The following TARS2 variants were observed in gnomAD, a reference collection of about 807,000 sequenced individuals.
TARS2 encodes threonyl-tRNA synthetase 2, mitochondrial, also known as threonine--tRNA ligase, mitochondrial.
A neutral mutation model predicts 94.4 loss-of-function variants in TARS2; 61 were observed. The ratio of observed to expected loss-of-function variants is 0.65; its 90% CI spans 0.53 to 0.80. The LOEUF is 0.80. Among genes scored for constraint, TARS2 ranks in the 30% least tolerant of loss-of-function variants. The pLI is 0.00. For synonymous variants in TARS2, 359 were observed against 353.4 expected, an observed-to-expected ratio of 1.02 and a Z score of -0.18; for missense variants, 704 against 902.5, an observed-to-expected ratio of 0.78 and a Z score of 2.82.
chr1:150,498,441 G>GATCCCGGT, intron 10 of TARS2, 61 bp from the exon 11 acceptor site: 1 of 1,502,776 alleles, frequency 6.7e-7, no homozygotes, highest in Non-Finnish European at 8.8e-7. Context: ...ATTGGGTGGA[G>GATCCCGGT]GAGCAGTCTT....
rs1670162440 is a variant in TARS2 at position 150,505,521 on chromosome 1, G to C, written c.1894-70G>C. On this transcript the variant is annotated intron_variant, in intron 16 of 17. Transcript: ENST00000369064. ...AACAGATGGGGGCATTGAGGGAAAA[G>C]AGCATCAGACTGTTCTAGCTCCTTA... 2.9e-6 allele frequency: 4 copies of C among 1,358,496 alleles called. No homozygotes were observed. The East Asian group carries it at 9.2e-5, about 31-fold the overall frequency. The allele number at this position is 1,358,496 out of a possible 1,614,324, so 84.2% of individuals were successfully genotyped here. A position where few individuals can be genotyped will look rare whatever the true frequency, so the allele number is the denominator to read the frequency against.
intron 9 of TARS2, 74 bp from the exon 10 acceptor site, chr1:150,497,456 G>T: frequency 6.9e-7 from 1 of 1,446,812 alleles, no homozygotes; most frequent in South Asian, 1.2e-5. Context: ...GGCCCAGGAA[G>T]ATCACACAGC....
intron 17 of TARS2, 52 bp from the exon 18 acceptor site, chr1:150,506,862 CTG>C (rs1670246634): frequency 3.1e-6 from 5 of 1,607,182 alleles, no homozygotes; most frequent in Non-Finnish European, 3.4e-6. Context: ...GCAAAAGAAA[CTG>C]TTCCATGTGG....
intron 13 of TARS2, among the ~76,000 whole-genome samples, chr1:150,501,466 C>T (rs1011988225): frequency 5.8e-5 from 5 of 86,778 alleles, no homozygotes; most frequent in African/African-American, 1.3e-4. Flanking sequence ...TATAGGCAGG[C>T]ACCCATCACC....
At chr1:150,504,202 G>C in intron 13 of TARS2, 133 bp from the exon 14 acceptor site, 1 of 761,760 alleles carries the variant, frequency 1.3e-6, no homozygotes, top group South Asian at 1.7e-5. Flanking sequence ...GTATGATAGA[G>C]CTAGGTGACA....
intron 9 of TARS2, 69 bp from the exon 10 acceptor site, chr1:150,497,461 C>A: frequency 6.7e-7 from 1 of 1,485,896 alleles, no homozygotes; most frequent in Non-Finnish European, 9.3e-7. Context: ...AGGAAGATCA[C>A]ACAGCTGACA....
At position 150,507,127 on chromosome 1, in the gene TARS2, C is replaced by A; in HGVS notation, c.*63C>A. ...CATCAGCCTCCCTCACATGGGAGACCCCAACCCAGCTGACAATGTGGAGCC... is the reference window on the plus strand; with the variant it reads ...CATCAGCCTCCCTCACATGGGAGACACCAACCCAGCTGACAATGTGGAGCC... On this transcript the variant is annotated 3_prime_UTR_variant, in exon 18 of 18. Coordinates refer to ENST00000369064, the MANE Select transcript of TARS2 (RefSeq NM_025150.5). 5 of 1,594,704 alleles carry A rather than the reference C, an allele frequency of 3.1e-6. No individual in the cohort carries two copies. The highest frequency in any genetic ancestry group is 4.3e-6 in the Non-Finnish European group (5 of 1,168,540).
intron 6 of TARS2, 112 bp from the exon 7 acceptor site, chr1:150,492,299 A>G: frequency 3.5e-6 from 4 of 1,131,900 alleles, no homozygotes; most frequent in Non-Finnish European, 5.3e-6. Context: ...GCCCTCTCTC[A>G]GTAGGACAGT....
At chr1:150,489,581 C>T (rs1250547157) in intron 3 of TARS2, among the ~76,000 whole-genome samples, 3 of 151,978 alleles carry the variant, frequency 2.0e-5, no homozygotes, top group Non-Finnish European at 2.9e-5. Context: ...GCACTAGATT[C>T]GTGGGACAGA....
rs3839012 is a variant in TARS2, at chr1:150,489,285, AC to A, written c.387+199del. ...AACTTAGCTTCGATCTATTAAGCAA[AC>A]ATTTGTGCTAGTGAGAGGGAGAGAG... On this transcript the variant is annotated intron_variant, in intron 3 of 17. Transcript: ENST00000369064. 0.023 allele frequency: 16,332 copies of A among 712,570 alleles called. 1,076 individuals carry two copies. The highest frequency in any genetic ancestry group is 0.13 in the African/African-American group (7,393 of 55,974). The allele number at this position is 712,570 out of a possible 1,614,324, so 44.1% of individuals were successfully genotyped here.
At chr1:150,496,442 A>G in intron 7 of TARS2, 40 bp from the exon 8 acceptor site, 1 of 1,559,826 alleles carries the variant, frequency 6.4e-7, no homozygotes, top group Non-Finnish European at 8.7e-7. Flanking sequence ...GGGGGCCTTC[A>G]GTCCTCATCT....
intron 13 of TARS2, among the ~76,000 whole-genome samples, chr1:150,501,349 G>A (rs1243170006): frequency 4.5e-5 from 5 of 111,032 alleles, no homozygotes; most frequent in African/African-American, 7.1e-5. Context: ...ACTATGTCTC[G>A]CTCTGCTGCC....
intron 7 of TARS2, among the ~76,000 whole-genome samples, chr1:150,493,667 C>T (rs1465108519): frequency 6.6e-6 from 1 of 151,580 alleles, no homozygotes; most frequent in Non-Finnish European, 1.5e-5. Context: ...GCAGGAGAAT[C>T]ACTTGAACCT....
intron 10 of TARS2, among the ~76,000 whole-genome samples, chr1:150,498,042 G>T (rs1457613695): frequency 6.7e-6 from 1 of 148,508 alleles, no homozygotes; most frequent in Non-Finnish European, 1.5e-5. Context: ...GCAGTGAGCC[G>T]AGATCGCGCC....
intron 9 of TARS2, 99 bp downstream of exon 9, chr1:150,497,007 G>T: frequency 6.2e-6 from 7 of 1,128,260 alleles, no homozygotes; most frequent in Non-Finnish European, 9.0e-6. Flanking sequence ...TTGGGGCCGG[G>T]CACAGTGGCT....
chr1:150,489,357 C>A, intron 3 of TARS2: 1 of 426,636 alleles, frequency 2.3e-6, no homozygotes, highest in South Asian at 2.1e-5. Context: ...AATTCAGCCC[C>A]CTCAACTCTT....
chr1:150,500,142 A>C (rs1438781908), intron 13 of TARS2, among the ~76,000 whole-genome samples: 3 of 151,884 alleles, frequency 2.0e-5, no homozygotes, highest in Non-Finnish European at 4.4e-5. Flanking sequence ...GCCCCACTGC[A>C]CTCCAGCCTG....
intron 13 of TARS2, 91 bp from the exon 14 acceptor site, chr1:150,504,244 G>A (rs1670094353): frequency 7.9e-7 from 1 of 1,269,234 alleles, no homozygotes; most frequent in Non-Finnish European, 1.1e-6. Flanking sequence ...ATGAGGGTAG[G>A]TTAAAGGGTG....
chr1:150,497,041 C>T (rs986813800), intron 9 of TARS2, 133 bp downstream of exon 9: 12 of 821,770 alleles, frequency 1.5e-5, no homozygotes, highest in East Asian at 2.8e-5. Flanking sequence ...CTAGCACTTT[C>T]GGAGGCTGAG....
Sources: allele counts gnomAD v4.1 joint callset (sites outside exome capture counted in the v4.1 genomes callset), GRCh38; gene constraint gnomAD v4.1.1; transcripts MANE v1.5; gene names NCBI Gene and HGNC (gene_info 2026-07-23, HGNC 2026-07-21).